Variants in CTNNA2 observed in about 807,000 individuals in gnomAD.
The protein encoded by CTNNA2 is catenin alpha-2.
CTNNA2 carries 42 observed loss-of-function variants against 101.0 expected under a neutral mutation model. The observed-to-expected ratio is 0.42, with a 90% confidence interval of 0.32 to 0.54. The LOEUF is 0.54. CTNNA2 is among the 20% of genes least tolerant of loss of function. The probability of loss-of-function intolerance (pLI) is 0.14; values close to 1 mark genes in which losing one functional copy is unlikely to be tolerated. For missense variants in CTNNA2, 871 were observed against 1,223.1 expected, an observed-to-expected ratio of 0.71 and a Z score of 4.29; for synonymous variants, 450 against 456.4, an observed-to-expected ratio of 0.99 and a Z score of 0.18.
intron 7 of CTNNA2, among the ~76,000 whole-genome samples, chr2:80,193,763 C>T (rs1266607667): frequency 6.6e-6 from 1 of 152,094 alleles, no homozygotes; most frequent in Non-Finnish European, 1.5e-5. Flanking sequence ...TTTTCTTTTC[C>T]TCCTCCACCT....
intron 1 of CTNNA2, among the ~76,000 whole-genome samples, chr2:79,590,358 T>G (rs187058109): frequency 2.7e-4 from 41 of 152,334 alleles, no homozygotes; most frequent in African/African-American, 9.9e-4. Flanking sequence ...TCAGATACTG[T>G]TCTTATTTTT....
intron 7 of CTNNA2, among the ~76,000 whole-genome samples, chr2:80,338,348 A>T (rs1377760666): frequency 1.3e-5 from 2 of 149,908 alleles, no homozygotes; most frequent in African/African-American, 4.9e-5. Context: ...GGAGGGGAGA[A>T]AGGATTAAAA....
intron 1 of CTNNA2, among the ~76,000 whole-genome samples, chr2:79,613,162 G>C (rs1383268646): frequency 1.5e-5 from 1 of 67,944 alleles, no homozygotes. Flanking sequence ...TTAACGTTCA[G>C]AGCAAAAAAA....
At chr2:79,581,614 T>C (rs1021663644) in intron 1 of CTNNA2, among the ~76,000 whole-genome samples, 3 of 152,194 alleles carry the variant, frequency 2.0e-5, no homozygotes, top group Non-Finnish European at 4.4e-5. Flanking sequence ...TGATTAGCCA[T>C]TTCTGTACAA....
intron 9 of CTNNA2, among the ~76,000 whole-genome samples, chr2:80,544,539 G>A (rs913164721): frequency 6.6e-6 from 1 of 152,052 alleles, no homozygotes; most frequent in South Asian, 2.1e-4. Flanking sequence ...TGGGGGCAGG[G>A]CACCATAATT....
chr2:79,365,633 A>G (rs1483462660), intron 3 of CTNNA2, among the ~76,000 whole-genome samples: 1 of 151,906 alleles, frequency 6.6e-6, no homozygotes, highest in Non-Finnish European at 1.5e-5. Flanking sequence ...AAAAAAAAAA[A>G]AGGAGAAAAA....
intron 7 of CTNNA2, among the ~76,000 whole-genome samples, chr2:80,220,764 A>G (rs1708528987): frequency 1.3e-5 from 2 of 152,220 alleles, no homozygotes; most frequent in Non-Finnish European, 2.9e-5. Context: ...ATCAGAAGTT[A>G]GAATTCTTTT....
At chr2:80,355,844 C>A (rs1037229759) in intron 7 of CTNNA2, among the ~76,000 whole-genome samples, 38 of 152,080 alleles carry the variant, frequency 2.5e-4, no homozygotes, top group Non-Finnish European at 4.7e-4. Context: ...ACAATTTTTA[C>A]TGCCCAGAGG....
intron 4 of CTNNA2, among the ~76,000 whole-genome samples, chr2:79,399,258 A>G (rs187773279): frequency 4.6e-5 from 7 of 152,204 alleles, no homozygotes; most frequent in African/African-American, 1.4e-4. Context: ...TATCCATAGG[A>G]AACTTTGCAA....
rs186215953 is a variant in CTNNA2, at chr2:80,085,336, A to G, written c.1056+175539A>G. On this transcript the variant is annotated intron_variant, in intron 7 of 18. Coordinates refer to ENST00000402739, the MANE Select transcript of CTNNA2 (RefSeq NM_001282597.3). The stretch of plus-strand genomic sequence containing the variant: ...GAGCTTCCTCCAGAAAGTGTCAAAC[A>G]TTTCCTCTGTTCACATTGTGTTAGC... Among the ~76,000 whole-genome samples, 10 of 152,156 alleles carry G rather than the reference A, an allele frequency of 6.6e-5. No individual in the cohort carries two copies. In the East Asian group the frequency reaches 1.7e-3, roughly 27 times the overall value.
chr2:79,658,560 T>A (rs1250556811), intron 2 of CTNNA2, among the ~76,000 whole-genome samples: 1 of 152,094 alleles, frequency 6.6e-6, no homozygotes, highest in South Asian at 2.1e-4. Flanking sequence ...TAACAAAAGA[T>A]AATTAAAACG....
At chr2:79,460,129 A>G (rs937028195) in intron 4 of CTNNA2, among the ~76,000 whole-genome samples, 2 of 152,128 alleles carry the variant, frequency 1.3e-5, no homozygotes, top group African/African-American at 2.4e-5. Flanking sequence ...ATTCTAGACC[A>G]TATATCTAGC....
At chr2:79,426,096 G>T (rs1573160375) in intron 4 of CTNNA2, among the ~76,000 whole-genome samples, 1 of 152,100 alleles carries the variant, frequency 6.6e-6, no homozygotes, top group African/African-American at 2.4e-5. Context: ...GTAAACAAAT[G>T]TATCCAATAA....
chr2:79,753,634 G>A (rs771665571), intron 3 of CTNNA2, among the ~76,000 whole-genome samples: 12 of 152,138 alleles, frequency 7.9e-5, no homozygotes, highest in Non-Finnish European at 1.0e-4. Context: ...TTTGGCCAGC[G>A]TGTAGATGAG....
At chr2:80,189,665 G>C (rs1706350815) in intron 7 of CTNNA2, among the ~76,000 whole-genome samples, 2 of 152,084 alleles carry the variant, frequency 1.3e-5, no homozygotes, top group African/African-American at 2.4e-5. Flanking sequence ...CAGACTTCCA[G>C]GCCCATGCCT....
intron 7 of CTNNA2, among the ~76,000 whole-genome samples, chr2:79,931,244 T>C (rs1687420349): frequency 6.6e-6 from 1 of 152,216 alleles, no homozygotes; most frequent in South Asian, 2.1e-4. Context: ...TTTTATATCA[T>C]TTAAATTCAT....
intron 7 of CTNNA2, among the ~76,000 whole-genome samples, chr2:80,339,140 C>G (rs1160747712): frequency 6.6e-6 from 1 of 151,982 alleles, no homozygotes; most frequent in African/African-American, 2.4e-5. Context: ...TTTTTAACAT[C>G]TACAAAAACA....
chr2:79,891,383 G>T (rs1358484368), intron 6 of CTNNA2, among the ~76,000 whole-genome samples: 1 of 152,160 alleles, frequency 6.6e-6, no homozygotes, highest in Non-Finnish European at 1.5e-5. Context: ...ATATTTCAAA[G>T]ATTTTAAGAT....
intron 3 of CTNNA2, among the ~76,000 whole-genome samples, chr2:79,325,580 A>T (rs1209736399): frequency 6.6e-6 from 1 of 152,216 alleles, no homozygotes; most frequent in African/African-American, 2.4e-5. Flanking sequence ...TATTGAATGC[A>T]GTGTCCCCAG....
Sources: allele counts gnomAD v4.1 joint callset (sites outside exome capture counted in the v4.1 genomes callset), GRCh38; gene constraint gnomAD v4.1.1; transcripts MANE v1.5; gene names NCBI Gene and HGNC (gene_info 2026-07-23, HGNC 2026-07-21).